The following CSMD1 variants were observed in gnomAD, a reference collection of about 807,000 sequenced individuals.
The protein encoded by CSMD1 is CUB and Sushi multiple domains 1.
Under a neutral mutation model 417.5 loss-of-function variants are expected in CSMD1, and 213 were observed. The ratio of observed to expected loss-of-function variants is 0.51; its 90% CI spans 0.46 to 0.57. CSMD1 has a LOEUF of 0.57. Among genes scored for constraint, CSMD1 ranks in the 20% least tolerant of loss-of-function variants. CSMD1 has a pLI of 0.00. For missense variants in CSMD1, 6,923 were observed against 4,529.7 expected (o/e 1.53, Z -15.17); for synonymous variants, 2,862 against 1,736.8 (o/e 1.65, Z -16.11).
rs926372691 is a variant in CSMD1, at chr8:2,966,503, A to G, written c.9100+67T>C. ...AAAAACAGTATAACACCTTAAAGTC[A>G]TTTTTTTTCCCAATGGAGTGAATTT... On this transcript the variant is annotated intron_variant, in intron 58 of 69. Coordinates refer to ENST00000635120, the MANE Select transcript of CSMD1 (RefSeq NM_033225.6). The G allele has an allele frequency of 1.6e-5, 23 of 1,454,590 alleles. No homozygotes were observed. In the African/African-American group the frequency reaches 3.0e-4, roughly 19 times the overall value. The allele number at this position is 1,454,590 out of a possible 1,614,324, so 90.1% of individuals were successfully genotyped here. A position where few individuals can be genotyped will look rare whatever the true frequency, so the allele number is the denominator to read the frequency against.
At chr8:4,602,976 T>C (rs1018085228) in intron 2 of CSMD1, among the ~76,000 whole-genome samples, 22 of 152,126 alleles carry the variant, frequency 1.4e-4, no homozygotes, top group African/African-American at 5.3e-4. Flanking sequence ...ATTCAGACTA[T>C]TTGTAATTTA....
chr8:3,532,134 C>G (rs914357175), intron 10 of CSMD1, among the ~76,000 whole-genome samples: 1 of 152,188 alleles, frequency 6.6e-6, no homozygotes, highest in African/African-American at 2.4e-5. Flanking sequence ...GGACTCCTCT[C>G]TGGAGTAGAA....
chr8:4,254,496 T>C (rs1004745429), intron 3 of CSMD1, among the ~76,000 whole-genome samples: 8 of 152,162 alleles, frequency 5.3e-5, no homozygotes, highest in Non-Finnish European at 1.0e-4. Context: ...CAATTACTTT[T>C]TTATACAAAT....
intron 12 of CSMD1, among the ~76,000 whole-genome samples, chr8:3,420,524 T>G (rs1813421636): frequency 6.6e-6 from 1 of 152,028 alleles, no homozygotes; most frequent in Non-Finnish European, 1.5e-5. Context: ...AAGTATTAAA[T>G]ATAGGGAAAC....
intron 39 of CSMD1, among the ~76,000 whole-genome samples, chr8:3,157,526 T>G (rs1294696083): frequency 6.6e-6 from 1 of 152,242 alleles, no homozygotes; most frequent in Admixed American, 6.5e-5. Flanking sequence ...GAACTTGTTT[T>G]TTCTGAGGCT....
At chr8:4,910,829 C>G (rs1805617113) in intron 1 of CSMD1, among the ~76,000 whole-genome samples, 1 of 152,160 alleles carries the variant, frequency 6.6e-6, no homozygotes. Context: ...AGATAGTCAT[C>G]AAACTGATAT....
At chr8:3,380,200 C>A (rs899558169) in intron 18 of CSMD1, among the ~76,000 whole-genome samples, 6 of 152,132 alleles carry the variant, frequency 3.9e-5, no homozygotes, top group Non-Finnish European at 5.9e-5. Flanking sequence ...CACAGTCTCA[C>A]AACCGTTAGA....
At chr8:3,570,312 C>G (rs976264317) in intron 10 of CSMD1, among the ~76,000 whole-genome samples, 21 of 152,200 alleles carry the variant, frequency 1.4e-4, no homozygotes, top group African/African-American at 4.6e-4. Flanking sequence ...TCACTGGTCA[C>G]CATACACTAA....
At chr8:4,191,796 A>G (rs1274138843) in intron 3 of CSMD1, among the ~76,000 whole-genome samples, 1 of 152,036 alleles carries the variant, frequency 6.6e-6, no homozygotes, top group Admixed American at 6.6e-5. Context: ...TTAAGGTTGA[A>G]TTGACTTCAT....
At chr8:3,530,813 G>A (rs1368108043) in intron 10 of CSMD1, among the ~76,000 whole-genome samples, 4 of 151,378 alleles carry the variant, frequency 2.6e-5, no homozygotes, top group South Asian at 4.2e-4. Context: ...ACAGGCATGA[G>A]CCACCATGCC....
chr8:3,706,233 A>C (rs963535977), intron 7 of CSMD1, among the ~76,000 whole-genome samples: 4 of 152,230 alleles, frequency 2.6e-5, no homozygotes, highest in Admixed American at 6.5e-5. Flanking sequence ...TCGGAGTGAC[A>C]ACCCTATGGA....
intron 12 of CSMD1, among the ~76,000 whole-genome samples, chr8:3,427,582 G>C (rs959210161): frequency 2.6e-4 from 39 of 152,178 alleles, no homozygotes; most frequent in Non-Finnish European, 5.9e-5. Context: ...AAATCTATGA[G>C]ATATGAAACA....
chr8:4,241,174 C>A (rs944125786), intron 3 of CSMD1, among the ~76,000 whole-genome samples: 4 of 152,258 alleles, frequency 2.6e-5, no homozygotes, highest in African/African-American at 7.2e-5. Context: ...CAAATGAAAT[C>A]CTGATCGTGA....
chr8:3,346,403 G>A (rs1246659671), intron 22 of CSMD1, among the ~76,000 whole-genome samples: 1 of 152,082 alleles, frequency 6.6e-6, no homozygotes, highest in Non-Finnish European at 1.5e-5. Context: ...CTAAATTTGA[G>A]GTTATTAAAA....
chr8:4,324,281 C>G (rs910648354), intron 3 of CSMD1, among the ~76,000 whole-genome samples: 4 of 152,196 alleles, frequency 2.6e-5, no homozygotes, highest in African/African-American at 9.7e-5. Flanking sequence ...TCTTCCTCAT[C>G]ACTAACTGCG....
chr8:3,511,803 A>ATAAC (rs1381388402), intron 10 of CSMD1, among the ~76,000 whole-genome samples: 2 of 151,560 alleles, frequency 1.3e-5, no homozygotes, highest in African/African-American at 4.9e-5. Context: ...ATAACATAAC[A>ATAAC]TAACATAACA....
At chr8:4,311,373 A>T (rs569370870) in intron 3 of CSMD1, among the ~76,000 whole-genome samples, 1 of 152,314 alleles carries the variant, frequency 6.6e-6, no homozygotes, top group Non-Finnish European at 1.5e-5. Flanking sequence ...GCTGGAGGCC[A>T]TTATTCTTGG....
At chr8:3,003,532 A>G (rs569683880) in intron 52 of CSMD1, among the ~76,000 whole-genome samples, 4 of 152,282 alleles carry the variant, frequency 2.6e-5, no homozygotes, top group African/African-American at 7.2e-5. Flanking sequence ...TGTCCTTTAC[A>G]TTGTCTCCTA....
intron 5 of CSMD1, among the ~76,000 whole-genome samples, chr8:3,828,844 G>A (rs1050090688): frequency 1.3e-5 from 2 of 151,970 alleles, no homozygotes; most frequent in East Asian, 1.9e-4. Flanking sequence ...AAAACTCCAC[G>A]AGATTTTGTC....
Sources: gnomAD v4.1 joint callset for allele counts (sites outside exome capture counted in the v4.1 genomes callset) on GRCh38, gnomAD v4.1.1 for gene constraint, MANE v1.5 for transcripts, NCBI Gene and HGNC (gene_info 2026-07-23, HGNC 2026-07-21) for gene names.